FAM13C: variants seen among roughly 807,000 people sequenced by gnomAD.
FAM13C encodes the protein protein FAM13C.
A neutral mutation model predicts 73.2 loss-of-function variants in FAM13C; 37 were observed. The ratio of observed to expected loss-of-function variants is 0.51; its 90% confidence interval spans 0.39 to 0.67. FAM13C has a LOEUF of 0.67. FAM13C is among the 30% of genes least tolerant of loss of function. The pLI is 0.00. For missense variants in FAM13C, 589 were observed against 715.6 expected (o/e 0.82, Z 2.02); for synonymous variants, 246 against 260.9 (o/e 0.94, Z 0.55).
At chr10:59,331,262 C>G (rs1453375187) in intron 3 of FAM13C, among the ~76,000 whole-genome samples, 1 of 152,124 alleles carries the variant, frequency 6.6e-6, no homozygotes, top group African/African-American at 2.4e-5. Context: ...GGAATGACAC[C>G]AAGCCTAGTT....
intron 11 of FAM13C, chr10:59,253,988 A>G (rs1333286305): frequency 7.8e-6 from 2 of 257,542 alleles, no homozygotes; most frequent in African/African-American, 2.2e-5. Flanking sequence ...ATTAAAGGAA[A>G]AAATTAACCA....
intron 8 of FAM13C, among the ~76,000 whole-genome samples, chr10:59,265,013 T>A (rs1480730914): frequency 6.6e-6 from 1 of 152,032 alleles, no homozygotes; most frequent in Non-Finnish European, 1.5e-5. Context: ...TCATTTTTTT[T>A]CTTTAAGGAT....
intron 6 of FAM13C, among the ~76,000 whole-genome samples, chr10:59,272,549 G>A (rs1843827044): frequency 6.6e-6 from 1 of 152,156 alleles, no homozygotes; most frequent in Non-Finnish European, 1.5e-5. Flanking sequence ...AAACTAAGGT[G>A]GAACCTTTGT....
chr10:59,251,705 T>G, intron 12 of FAM13C, 29 bp from the exon 13 acceptor site: 2 of 1,504,814 alleles, frequency 1.3e-6, no homozygotes, highest in Non-Finnish European at 9.1e-7. Flanking sequence ...TTGTCATTAC[T>G]GGGCACTGGC....
At chr10:59,327,575 C>CCCCCCA (rs1554834266) in intron 3 of FAM13C, 7 of 142,428 alleles carry the variant, frequency 4.9e-5, no homozygotes, top group East Asian at 4.3e-4. Context: ...ACCCCCCCAC[C>CCCCCCA]AAAAAAGGTG....
Position 59,262,545 on chromosome 10 carries a change from T to A in FAM13C, c.1125A>T (p.Lys375Asn). 6.2e-7 allele frequency: 1 copy of A among 1,613,810 alleles called. No homozygotes were observed. Among genetic ancestry groups the A allele is most frequent in the Non-Finnish European group, 8.5e-7 (1 of 1,179,790 alleles). The change falls in exon 10 of 14, where the codon AAA becomes AAT. Residue 375 changes from lysine to asparagine, a missense_variant. Transcript: ENST00000618804. Reference sequence around the variant, plus strand: ...TTGGCTCCGGGCCCGCAGCTTCCGGTTTCCCATTTTCTCTGGGGACTGTGG... The same window carrying A: ...TTGGCTCCGGGCCCGCAGCTTCCGGATTCCCATTTTCTCTGGGGACTGTGG... ...EQPTVPRENG[K>N]PEAAGPEPSS... is the part of the protein sequence containing the mutation.
At position 59,330,992 on chromosome 10, in the gene FAM13C, C is replaced by T. The variant is rs567682409; in HGVS notation, c.325-6886G>A. Reference sequence around the variant, plus strand: ...TAACTCCTAGGATTCACAAACTGGTCATCTCTGCAGCTTTATGGGATTCTT... The same window carrying T: ...TAACTCCTAGGATTCACAAACTGGTTATCTCTGCAGCTTTATGGGATTCTT... On this transcript the variant is annotated intron_variant, in intron 3 of 13. Coordinates refer to ENST00000618804, the MANE Select transcript of FAM13C (RefSeq NM_198215.4). 8.5e-5 allele frequency among the ~76,000 whole-genome samples: 13 copies of T among 152,272 alleles called. No homozygotes were observed. The East Asian group carries it at 2.5e-3, about 29-fold the overall frequency.
At chr10:59,331,176 A>G (rs1477456919) in intron 3 of FAM13C, among the ~76,000 whole-genome samples, 1 of 152,208 alleles carries the variant, frequency 6.6e-6, no homozygotes, top group Non-Finnish European at 1.5e-5. Flanking sequence ...CAAACTATAA[A>G]CAGGCAATTG....
intron 2 of FAM13C, among the ~76,000 whole-genome samples, chr10:59,352,892 A>T (rs1855256278): frequency 6.6e-6 from 1 of 152,198 alleles, no homozygotes; most frequent in Non-Finnish European, 1.5e-5. Flanking sequence ...ACTAATCCAC[A>T]CAGACCCAGA....
chr10:59,283,804 G>T (rs760502656), intron 5 of FAM13C: 4 of 486,298 alleles, frequency 8.2e-6, no homozygotes, highest in Non-Finnish European at 1.5e-5. Flanking sequence ...GAAGATATCT[G>T]CTTCCCGGGT....
intron 8 of FAM13C, among the ~76,000 whole-genome samples, 186 bp from the exon 9 acceptor site, chr10:59,264,352 A>G (rs1207682423): frequency 1.3e-5 from 2 of 152,208 alleles, no homozygotes; most frequent in African/African-American, 2.4e-5. Context: ...TGATGAAGTT[A>G]CCTCTAGGAA....
intron 3 of FAM13C, among the ~76,000 whole-genome samples, chr10:59,328,487 AAAAACAAAAC>A (rs58693118): frequency 2.0e-5 from 3 of 151,976 alleles, no homozygotes; most frequent in East Asian, 1.9e-4. Flanking sequence ...GGCCATCAAG[AAAAACAAAAC>A]AAAACAAAAC....
chr10:59,297,852 C>T (rs1847098615), intron 5 of FAM13C, among the ~76,000 whole-genome samples: 2 of 151,958 alleles, frequency 1.3e-5, no homozygotes, highest in South Asian at 4.1e-4. Flanking sequence ...ATGTGGGAAA[C>T]ATACCTGGGG....
intron 4 of FAM13C, among the ~76,000 whole-genome samples, chr10:59,321,432 C>T (rs493019): frequency 0.14 from 7,975 of 57,988 alleles, 691 homozygotes; most frequent in East Asian, 0.16. Flanking sequence ...CTGCCAACAC[C>T]TTTTTTTTTT....
chr10:59,351,536 C>G (rs1036019129), intron 3 of FAM13C, among the ~76,000 whole-genome samples: 4 of 152,044 alleles, frequency 2.6e-5, no homozygotes, highest in African/African-American at 9.7e-5. Flanking sequence ...ATGTTTATTC[C>G]AGTCCGCTAA....
intron 3 of FAM13C, among the ~76,000 whole-genome samples, chr10:59,351,442 A>C (rs764050420): frequency 6.6e-6 from 1 of 152,200 alleles, no homozygotes; most frequent in South Asian, 2.1e-4. Context: ...TACTATCAAA[A>C]TGTATTGGAA....
chr10:59,262,033 A>G (rs1055903278), intron 10 of FAM13C, among the ~76,000 whole-genome samples: 1 of 152,202 alleles, frequency 6.6e-6, no homozygotes, highest in Non-Finnish European at 1.5e-5. Context: ...CTTACTGTTT[A>G]TAGATCATCC....
rs375697554 is a variant in FAM13C at position 59,312,738 on chromosome 10, C to T, written c.444-9874G>A. ...CTGATGCGACTTGACACAAGATGAACAGAACCTGGATCAGTGTCGGTCTGA... is the reference window on the plus strand; with the variant it reads ...CTGATGCGACTTGACACAAGATGAATAGAACCTGGATCAGTGTCGGTCTGA... On this transcript the variant is annotated intron_variant, in intron 4 of 13. Transcript: ENST00000618804. Among the ~76,000 whole-genome samples the T allele has an allele frequency of 1.4e-4, 22 of 152,332 alleles. No individual in the cohort carries two copies. In the South Asian group the frequency reaches 4.6e-3, roughly 32 times the overall value.
chr10:59,351,347 C>G (rs1335643057), intron 3 of FAM13C, among the ~76,000 whole-genome samples: 1 of 108,520 alleles, frequency 9.2e-6, no homozygotes, highest in Non-Finnish European at 2.0e-5. Flanking sequence ...AAAAAAAAAG[C>G]ATCATGAATC....
Sources: gnomAD v4.1 joint callset for allele counts (sites outside exome capture counted in the v4.1 genomes callset) on GRCh38, gnomAD v4.1.1 for gene constraint, MANE v1.5 for transcripts, NCBI Gene and HGNC (gene_info 2026-07-23, HGNC 2026-07-21) for gene names.